The following ZP3 variants were observed in gnomAD, a reference collection of about 807,000 sequenced individuals.
The protein encoded by ZP3 is zona pellucida glycoprotein 3.
In ZP3, 21 loss-of-function variants were observed where a neutral mutation model predicts 35.6. The ratio of observed to expected loss-of-function variants is 0.59; its 90% CI spans 0.42 to 0.85. The LOEUF is 0.85. Among genes scored for constraint, ZP3 ranks in the 40% least tolerant of loss-of-function variants. The probability of loss-of-function intolerance (pLI) is 0.00; values close to 1 mark genes in which losing one functional copy is unlikely to be tolerated. For missense variants in ZP3, 437 were observed against 536.5 expected (o/e 0.81, Z 1.83); for synonymous variants, 207 against 214.5 (o/e 0.96, Z 0.31).
At chr7:76,406,979 G>T (rs1358884151) in intron 1 of ZP3, among the ~76,000 whole-genome samples, 1 of 147,424 alleles carries the variant, frequency 6.8e-6, no homozygotes, top group Non-Finnish European at 1.5e-5. Context: ...TTTATTTTTG[G>T]AGACAGAGCC....
chr7:76,409,909 C>T (rs1366273862), intron 1 of ZP3, among the ~76,000 whole-genome samples: 1 of 152,208 alleles, frequency 6.6e-6, no homozygotes, highest in East Asian at 1.9e-4. Flanking sequence ...GATGTCCCGA[C>T]CCACATCTCA....
chr7:76,420,213 T>G (rs143349451), upstream of ZP3, among the ~76,000 whole-genome samples: 288 of 151,574 alleles, frequency 1.9e-3, 3 homozygotes, highest in African/African-American at 6.8e-3. Flanking sequence ...AGATAAAGTC[T>G]CACTATGTTG....
intron 1 of ZP3, among the ~76,000 whole-genome samples, chr7:76,402,354 A>G (rs1451241351): frequency 1.3e-5 from 2 of 151,516 alleles, no homozygotes; most frequent in African/African-American, 2.4e-5. Context: ...TAATTTTTAT[A>G]TTTTTTAGGT....
intron 3 of ZP3, 134 bp downstream of exon 3, chr7:76,433,164 G>A (rs1484501657): frequency 2.5e-6 from 2 of 792,004 alleles, no homozygotes; most frequent in Non-Finnish European, 4.0e-6. Context: ...GTTGGTTTTG[G>A]TTGGTTTTTG....
chr7:76,397,686 C>A, exon 1 of ZP3: 3 of 1,613,406 alleles, frequency 1.9e-6, no homozygotes, highest in Non-Finnish European at 2.5e-6. Flanking sequence ...GCCATGGCCG[C>A]CCCGCAGCCC....
At chr7:76,401,327 CCT>C (rs1479801416) in intron 1 of ZP3, among the ~76,000 whole-genome samples, 1 of 152,170 alleles carries the variant, frequency 6.6e-6, no homozygotes, top group Non-Finnish European at 1.5e-5. Flanking sequence ...CATAATGACC[CCT>C]GTTACCTACA....
At chr7:76,401,315 C>T (rs1366547872) in intron 1 of ZP3, among the ~76,000 whole-genome samples, 2 of 152,144 alleles carry the variant, frequency 1.3e-5, no homozygotes, top group Non-Finnish European at 2.9e-5. Flanking sequence ...AATGCTAAAT[C>T]CCATAATGAC....
At chr7:76,421,250 G>T (rs932030804), upstream of ZP3, among the ~76,000 whole-genome samples, 3 of 151,476 alleles carry the variant, frequency 2.0e-5, no homozygotes, top group Non-Finnish European at 4.4e-5. Flanking sequence ...ACATTTTTTT[G>T]AGATGAGGTC....
At chr7:76,427,214 C>T (rs1356868925) in intron 1 of ZP3, among the ~76,000 whole-genome samples, 1 of 151,976 alleles carries the variant, frequency 6.6e-6, no homozygotes, top group Non-Finnish European at 1.5e-5. Context: ...CAGTTTTGCC[C>T]GGTGAGAATC....
upstream of ZP3, among the ~76,000 whole-genome samples, chr7:76,424,586 G>A (rs565950173): frequency 1.3e-5 from 2 of 152,274 alleles, no homozygotes; most frequent in East Asian, 1.9e-4. Flanking sequence ...GCAGTGAAAC[G>A]AGATCATACC....
intron 1 of ZP3, among the ~76,000 whole-genome samples, chr7:76,401,832 C>A (rs1299727913): frequency 2.6e-5 from 4 of 152,190 alleles, no homozygotes; most frequent in Non-Finnish European, 4.4e-5. Flanking sequence ...ATACCCAGGC[C>A]TCTTTCAGGG....
intron 2 of ZP3, among the ~76,000 whole-genome samples, chr7:76,432,146 C>T (rs775488634): frequency 4.7e-4 from 72 of 151,792 alleles, no homozygotes; most frequent in Non-Finnish European, 8.5e-4. Flanking sequence ...TCTCAGCCTC[C>T]TGAGTAGCTG....
At chr7:76,423,385 G>T (rs61703277), upstream of ZP3, among the ~76,000 whole-genome samples, 265 of 152,282 alleles carry the variant, frequency 1.7e-3, 7 homozygotes, top group East Asian at 0.041. Flanking sequence ...ATGCAGGTTG[G>T]CATTATCTGG....
intron 1 of ZP3, chr7:76,400,472 G>T: frequency 5.0e-6 from 8 of 1,608,022 alleles, no homozygotes; most frequent in African/African-American, 1.3e-5. Flanking sequence ...CCCAGCTGGC[G>T]ACACACTACG....
chr7:76,401,603 G>A (rs1804831399), intron 1 of ZP3, among the ~76,000 whole-genome samples: 1 of 152,138 alleles, frequency 6.6e-6, no homozygotes. Context: ...TTTTAGTAGA[G>A]ATGGGGTTTC....
At chr7:76,410,022 C>CT (rs926527249) in intron 1 of ZP3, among the ~76,000 whole-genome samples, 104 of 151,576 alleles carry the variant, frequency 6.9e-4, no homozygotes, top group Middle Eastern at 6.8e-3. Context: ...ATTTTGCCTT[C>CT]TTTTTTTTTC....
chr7:76,402,331 C>T (rs1804859651), intron 1 of ZP3, among the ~76,000 whole-genome samples: 3 of 151,948 alleles, frequency 2.0e-5, no homozygotes, highest in Admixed American at 6.6e-5. Flanking sequence ...AGGCGCACAC[C>T]GCCACACCCA....
At chr7:76,427,061 C>A (rs1805685572) in intron 1 of ZP3, among the ~76,000 whole-genome samples, 1 of 151,870 alleles carries the variant, frequency 6.6e-6, no homozygotes, top group South Asian at 2.1e-4. Context: ...TTTTATTAAC[C>A]CCACCTGTGG....
intron 1 of ZP3, among the ~76,000 whole-genome samples, chr7:76,411,634 T>C (rs937596218): frequency 6.6e-6 from 1 of 151,702 alleles, no homozygotes; most frequent in Admixed American, 6.6e-5. Flanking sequence ...GAAAAAAAAA[T>C]AGTTGGTGAT....
Sources: allele counts gnomAD v4.1 joint callset (sites outside exome capture counted in the v4.1 genomes callset), GRCh38; gene constraint gnomAD v4.1.1; transcripts MANE v1.5; gene names NCBI Gene and HGNC (gene_info 2026-07-23, HGNC 2026-07-21).